Variants in BEGAIN observed in about 807,000 individuals in gnomAD.
BEGAIN encodes brain enriched guanylate kinase associated.
A neutral mutation model predicts 35.8 loss-of-function variants in BEGAIN; 19 were observed. The ratio of observed to expected loss-of-function variants is 0.53; its 90% confidence interval spans 0.37 to 0.78. The LOEUF is 0.78. Ranked by LOEUF, BEGAIN falls within the 30% of genes least tolerant of loss-of-function variation. The probability of loss-of-function intolerance (pLI) is 0.00; values close to 1 mark genes in which losing one functional copy is unlikely to be tolerated. For synonymous variants in BEGAIN, 462 were observed against 388.6 expected (o/e 1.19, Z -2.22); for missense variants, 795 against 853.6 (o/e 0.93, Z 0.85).
chr14:100,537,876 G>C lies in BEGAIN; in HGVS notation c.*93C>G. 1 of 1,461,740 alleles carries C rather than the reference G, an allele frequency of 6.8e-7. No homozygotes were observed. The highest frequency in any genetic ancestry group is 2.5e-4 in the Middle Eastern group (1 of 3,956). The allele number at this position is 1,461,740 out of a possible 1,614,324, so 90.5% of individuals were successfully genotyped here. A position where few individuals can be genotyped will look rare whatever the true frequency, so the allele number is the denominator to read the frequency against. On this transcript the variant is annotated 3_prime_UTR_variant, in exon 7 of 7. Transcript: ENST00000554140. The stretch of plus-strand genomic sequence containing the variant: ...ACTCCTCGTTGTTGGCCGGGGCAGG[G>C]GAACAGCGGGGGCTGGGGAGAGGTG...
chr14:100,560,900 A>G (rs2034185288), intron 2 of BEGAIN, among the ~76,000 whole-genome samples: 1 of 152,138 alleles, frequency 6.6e-6, no homozygotes, highest in Non-Finnish European at 1.5e-5. Flanking sequence ...CGGTGGGTCC[A>G]TCAGGGGATG....
chr14:100,580,943 G>A (rs915031521), intron 1 of BEGAIN, among the ~76,000 whole-genome samples: 1 of 152,152 alleles, frequency 6.6e-6, no homozygotes, highest in Non-Finnish European at 1.5e-5. Context: ...AGGCCACAGT[G>A]TCCTCCTCCC....
At chr14:100,546,778 GCGCA>G (rs879008377) in intron 2 of BEGAIN, 116 bp from the exon 3 acceptor site, 36,471 of 537,218 alleles carry the variant, frequency 0.068, 1,067 homozygotes, top group East Asian at 0.26. Flanking sequence ...GCGCGCGCGC[GCGCA>G]CACACACACA....
intron 1 of BEGAIN, among the ~76,000 whole-genome samples, chr14:100,585,825 G>A (rs867922054): frequency 1.3e-5 from 2 of 152,230 alleles, no homozygotes; most frequent in Middle Eastern, 3.2e-3. Context: ...ACGGAACGCG[G>A]AGCCTTGGAA....
At position 100,573,156 on chromosome 14, in the gene BEGAIN, C is replaced by T. The variant is rs1477638904; in HGVS notation, c.43-5217G>A. Among the ~76,000 whole-genome samples, 2 of 149,532 alleles carry T rather than the reference C, an allele frequency of 1.3e-5. No individual in the cohort carries two copies. The highest frequency in any genetic ancestry group is 3.0e-5 in the Non-Finnish European group (2 of 67,466). On this transcript the variant is annotated intron_variant, in intron 1 of 6. Coordinates refer to ENST00000554140, the MANE Select transcript of BEGAIN (RefSeq NM_001385089.1). This position sits in a 1 kb window ranked among gnomAD's most constrained non-coding sequence, Gnocchi z 4.2. ...CAGTAGCAGATGAATCCCAAGGGGCCACTGGAGGAGGGAGCAGGTGAGTCT... is the reference window on the plus strand; with the variant it reads ...CAGTAGCAGATGAATCCCAAGGGGCTACTGGAGGAGGGAGCAGGTGAGTCT...
Position 100,568,319 on chromosome 14 carries a change from G to T in BEGAIN, c.43-380C>A, listed in dbSNP as rs529900717. 14 of 185,810 alleles carry T rather than the reference G, an allele frequency of 7.5e-5. No individual in the cohort carries two copies. The highest frequency in any genetic ancestry group is 5.2e-5 in the Non-Finnish European group (5 of 96,580). 11.5% of individuals were successfully genotyped at this position (185,810 alleles called of 1,614,324 possible). Reference sequence around the variant, plus strand: ...GCGGCCCCGCTGCTCCCCCCGCCCCGCCCGTTAACCCTTCCTGCCCCGCGC... The same window carrying T: ...GCGGCCCCGCTGCTCCCCCCGCCCCTCCCGTTAACCCTTCCTGCCCCGCGC... On this transcript the variant is annotated intron_variant, in intron 1 of 6. Transcript: ENST00000554140. This position sits in a 1 kb window ranked among gnomAD's most constrained non-coding sequence, Gnocchi z 7.5.
Position 100,550,377 on chromosome 14 carries a change from C to T in BEGAIN, c.72-3715G>A, listed in dbSNP as rs946839382. 1.3e-5 allele frequency: 5 copies of T among 398,868 alleles called. No homozygotes were observed. In the South Asian group the frequency reaches 3.8e-4, roughly 30 times the overall value. 24.7% of individuals were successfully genotyped at this position (398,868 alleles called of 1,614,324 possible). The stretch of plus-strand genomic sequence containing the variant: ...CACGGGACAGATGTCTGGGGACAGA[C>T]GCAGAGACACCAGGGAGCCGGGGGA... On this transcript the variant is annotated intron_variant, in intron 2 of 6. Transcript: ENST00000554140.
In BEGAIN at chr14:100,563,727, G is replaced by A. The variant is rs753648237; in HGVS notation, c.71+4184C>T. On this transcript the variant is annotated intron_variant, in intron 2 of 6. Coordinates refer to ENST00000554140, the MANE Select transcript of BEGAIN (RefSeq NM_001385089.1). This position sits in a 1 kb window ranked among gnomAD's most constrained non-coding sequence, Gnocchi z 4.2. ...CCACTGAGGGTGCACACCCAGAATC[G>A]CAGCCCACATCCCCAGACACCCGCA... Among the ~76,000 whole-genome samples, 8 of 152,154 alleles carry A rather than the reference G, an allele frequency of 5.3e-5. No individual in the cohort carries two copies. Among genetic ancestry groups the A allele is most frequent in the Non-Finnish European group, 5.9e-5 (4 of 68,038 alleles).
At position 100,537,795 on chromosome 14, in the gene BEGAIN, G is replaced by T; in HGVS notation, c.*174C>A. On this transcript the variant is annotated 3_prime_UTR_variant, in exon 7 of 7. Transcript: ENST00000554140. ...GCCGGGTGGACACCGTGGTGTGGGGGACCCTCCCCTCAGGCCTACAGGGCT... is the reference window on the plus strand; with the variant it reads ...GCCGGGTGGACACCGTGGTGTGGGGTACCCTCCCCTCAGGCCTACAGGGCT... The T allele has an allele frequency of 3.0e-6, 3 of 1,010,708 alleles. No individual in the cohort carries two copies. The South Asian group carries it at 5.5e-5, about 19-fold the overall frequency. The allele number at this position is 1,010,708 out of a possible 1,614,324, so 62.6% of individuals were successfully genotyped here.
Position 100,568,941 on chromosome 14 carries a change from G to A in BEGAIN, c.43-1002C>T. On this transcript the variant is annotated intron_variant, in intron 1 of 6. Transcript: ENST00000554140. This position sits in a 1 kb window ranked among gnomAD's most constrained non-coding sequence, Gnocchi z 7.5. The stretch of plus-strand genomic sequence containing the variant: ...TGCCCATCCCGGCCCCTCGCGCCGG[G>A]CGCCGCCGCCGCGTCCGCCGGGAGC... 6 of 983,492 alleles carry A rather than the reference G, an allele frequency of 6.1e-6. No individual in the cohort carries two copies. Among genetic ancestry groups the A allele is most frequent in the Non-Finnish European group, 7.2e-6 (6 of 829,368 alleles). 60.9% of individuals were successfully genotyped at this position (983,492 alleles called of 1,614,324 possible).
At position 100,538,910 on chromosome 14, in the gene BEGAIN, C is replaced by A. The variant is rs762808522; in HGVS notation, c.898G>T (p.Gly300Cys). The change falls in exon 7 of 7, where the codon GGC becomes TGC. Residue 300 changes from glycine to cysteine, a missense_variant. By Grantham distance (159) the Gly-to-Cys change is radical (BLOSUM62 -3). This residue lies in a region of BEGAIN where 664 missense variants were observed against 647.7 expected (regional missense o/e 1.03). Coordinates refer to ENST00000554140, the MANE Select transcript of BEGAIN (RefSeq NM_001385089.1). ...EEAEAAAFPA[G>C]FQHEAFPSYA... ...CTGGGGAAGGCCTCATGCTGGAAGC[C>A]CGCCGGGAAGGCCGCCGCCTCGGCC... 4 of 1,607,460 alleles carry A rather than the reference C, an allele frequency of 2.5e-6. No homozygotes were observed. Among genetic ancestry groups the A allele is most frequent in the Non-Finnish European group, 3.4e-6 (4 of 1,177,944 alleles).
At chr14:100,556,331 C>T (rs966824564) in intron 2 of BEGAIN, among the ~76,000 whole-genome samples, 8 of 137,888 alleles carry the variant, frequency 5.8e-5, no homozygotes, top group Admixed American at 5.5e-4. Flanking sequence ...GCAGCCGCAG[C>T]CCTGCCCCGC....
At chr14:100,552,642 G>A (rs1054401175) in intron 2 of BEGAIN, among the ~76,000 whole-genome samples, 1 of 152,242 alleles carries the variant, frequency 6.6e-6, no homozygotes, top group Non-Finnish European at 1.5e-5. Context: ...TGAGAGCAGG[G>A]GAGCCGTGAC....
Position 100,538,251 on chromosome 14 carries a change from G to C in BEGAIN, c.1557C>G (p.Ser519Arg). 6.4e-7 allele frequency: 1 copy of C among 1,567,822 alleles called. No individual in the cohort carries two copies. Among genetic ancestry groups the C allele is most frequent in the East Asian group, 2.3e-5 (1 of 43,828 alleles). ...PCFLRAGGDL[S>R]LSPGRSADPL... is the part of the protein sequence containing the mutation. ...GGTCAGCCGAGCGGCCGGGACTGAGGCTCAGGTCGCCGCCCGCCCGCAGGA... is the reference window on the plus strand; with the variant it reads ...GGTCAGCCGAGCGGCCGGGACTGAGCCTCAGGTCGCCGCCCGCCCGCAGGA... The change falls in exon 7 of 7, where the codon AGC (serine) becomes AGG (arginine). Residue 519 changes from serine to arginine, a missense_variant. Ser to Arg is a moderately radical substitution (Grantham distance 110). Around this residue, in one of 3 missense-constraint regions of BEGAIN, gnomAD observed 664 missense variants for 647.7 expected, o/e 1.03. Transcript: ENST00000554140.
At chr14:100,564,662 TC>T (rs537007656) in intron 2 of BEGAIN, among the ~76,000 whole-genome samples, 240 of 152,274 alleles carry the variant, frequency 1.6e-3, no homozygotes, top group Non-Finnish European at 2.6e-3. Context: ...GGCCAGGCCA[TC>T]AAATGGTGTG....
intron 2 of BEGAIN, 109 bp from the exon 3 acceptor site, chr14:100,546,771 C>A: frequency 1.3e-6 from 1 of 771,204 alleles, no homozygotes; most frequent in Non-Finnish European, 1.8e-6. Context: ...CCGGCGCGCG[C>A]GCGCGCGCGC....
At position 100,537,892 on chromosome 14, in the gene BEGAIN, G is replaced by A. The variant is rs1170003408; in HGVS notation, c.*77C>T. The A allele has an allele frequency of 2.0e-6, 3 of 1,500,612 alleles. No individual in the cohort carries two copies. The highest frequency in any genetic ancestry group is 2.7e-6 in the Non-Finnish European group (3 of 1,123,756). 93.0% of individuals were successfully genotyped at this position (1,500,612 alleles called of 1,614,324 possible). The stretch of plus-strand genomic sequence containing the variant: ...CGGGGCAGGGGAACAGCGGGGGCTG[G>A]GGAGAGGTGAGGCCGGCCCTTCTGG... On this transcript the variant is annotated 3_prime_UTR_variant, in exon 7 of 7. Transcript: ENST00000554140.
At chr14:100,575,105 C>G (rs2035174576) in intron 1 of BEGAIN, among the ~76,000 whole-genome samples, 1 of 152,198 alleles carries the variant, frequency 6.6e-6, no homozygotes, top group Admixed American at 6.5e-5. Context: ...CAGGACAGGA[C>G]TGAAACCCAG....
intron 1 of BEGAIN, among the ~76,000 whole-genome samples, chr14:100,582,829 C>G (rs1312068969): frequency 6.6e-6 from 1 of 152,008 alleles, no homozygotes; most frequent in Non-Finnish European, 1.5e-5. Flanking sequence ...TGGCTTTTCT[C>G]CCACCAAAGT....
Sources: allele counts gnomAD v4.1 joint callset (sites outside exome capture counted in the v4.1 genomes callset), GRCh38; gene constraint gnomAD v4.1.1; regional missense constraint gnomAD v4.1.1; non-coding constraint Gnocchi (gnomAD v3.1); transcripts MANE v1.5; gene names NCBI Gene and HGNC (gene_info 2026-07-23, HGNC 2026-07-21).